The following AQP3 variants were observed in gnomAD, a reference collection of about 807,000 sequenced individuals.
AQP3 encodes the protein aquaporin 3 (Gill blood group).
In AQP3, 15 loss-of-function variants were observed where a neutral mutation model predicts 30.3. That is an observed-to-expected ratio of 0.49 (90% CI 0.33 to 0.76). The LOEUF (loss-of-function observed/expected upper bound fraction) is 0.76, where lower values mean the gene tolerates loss of function less well. Among genes scored for constraint, AQP3 ranks in the 30% least tolerant of loss-of-function variants. The pLI is 0.02. For synonymous variants in AQP3, 153 were observed against 163.2 expected, an observed-to-expected ratio of 0.94 and a Z score of 0.47; for missense variants, 272 against 384.8, an observed-to-expected ratio of 0.71 and a Z score of 2.45.
At position 33,447,406 on chromosome 9, in the gene AQP3, C is replaced by G. The variant is rs766832648; in HGVS notation, c.108+17G>C. On this transcript the variant is annotated intron_variant, in intron 1 of 5. Coordinates refer to ENST00000297991, the MANE Select transcript of AQP3 (RefSeq NM_004925.5). ...AGGGCTGGAGAGAGAAGGGCTTCCC[C>G]GGCTCCCTCCACTCACCACCAGGAT... 6.4e-7 allele frequency: 1 copy of G among 1,571,992 alleles called. No homozygotes were observed. The highest frequency in any genetic ancestry group is 8.7e-7 in the Non-Finnish European group (1 of 1,154,840).
At position 33,442,570 on chromosome 9, in the gene AQP3, C is replaced by T. The variant is rs754789828; in HGVS notation, c.493-52G>A. 7 of 1,516,582 alleles carry T rather than the reference C, an allele frequency of 4.6e-6. No homozygotes were observed. In the Admixed American group the frequency reaches 9.7e-5, roughly 21 times the overall value. 93.9% of individuals were successfully genotyped at this position (1,516,582 alleles called of 1,614,324 possible). ...CTGCAGCTCCCTCCCTTTCTCTGAC[C>T]CCTCCTTCCATCCCCCGTCTTCCCT... On this transcript the variant is annotated intron_variant, in intron 4 of 5. Coordinates refer to ENST00000297991, the MANE Select transcript of AQP3 (RefSeq NM_004925.5).
chr9:33,442,799 C>CA lies in AQP3; in HGVS notation c.492+52dup, dbSNP rs1214809020. The CA allele has an allele frequency of 2.6e-6, 4 of 1,548,410 alleles. No homozygotes were observed. In the African/African-American group the frequency reaches 5.4e-5, roughly 21 times the overall value. The stretch of plus-strand genomic sequence containing the variant: ...GTCCCCCAACCAGCCCATGAGCTAC[C>CA]AAGGCAACTCGGTCCCCTCCCTGCG... On this transcript the variant is annotated intron_variant, in intron 4 of 5. Coordinates refer to ENST00000297991, the MANE Select transcript of AQP3 (RefSeq NM_004925.5).
Position 33,442,216 on chromosome 9 carries a change from G to T in AQP3, c.711-5C>A, listed in dbSNP as rs755265932. ...CACCACCAATGCTGGCCGGTCCTGG[G>T]GGGACAGACACTCATAGTCAGGGAC... On this transcript the variant is annotated splice_polypyrimidine_tract_variant and splice_region_variant and intron_variant, in intron 5 of 5. Coordinates refer to ENST00000297991, the MANE Select transcript of AQP3 (RefSeq NM_004925.5). 1 of 1,612,534 alleles carries T rather than the reference G, an allele frequency of 6.2e-7. No homozygotes were observed. The highest frequency in any genetic ancestry group is 2.2e-5 in the East Asian group (1 of 44,880).
At position 33,442,910 on chromosome 9, in the gene AQP3, C is replaced by T. The variant is rs1826859975; in HGVS notation, c.434G>A (p.Gly145Asp). ...LFVSGPNGTAGIFATYPSGHL... is the reference protein window; with the variant it reads ...LFVSGPNGTADIFATYPSGHL... ...TCCAGAGGGGTAGGTAGCAAAGATG[C>T]CGGCTGTGCCATTGGGGCCCGAAAC... The change falls in exon 4 of 6, where the codon GGC (glycine) becomes GAC (aspartate). Residue 145 changes from glycine (G) to aspartate (D), a missense_variant. By Grantham distance (94) the Gly-to-Asp change is moderately conservative (BLOSUM62 -1). Coordinates refer to ENST00000297991, the MANE Select transcript of AQP3 (RefSeq NM_004925.5). 2 of 1,614,206 alleles carry T rather than the reference C, an allele frequency of 1.2e-6. No individual in the cohort carries two copies. Among genetic ancestry groups the T allele is most frequent in the East Asian group, 2.2e-5 (1 of 44,878 alleles).
Position 33,441,953 on chromosome 9 carries a change from T to C in AQP3, c.*90A>G. ...GAGCTCCTTAGCCTGAAAGGGTGGA[T>C]CGTGAAGGGGGCTTCTTGGGAGTGG... On this transcript the variant is annotated 3_prime_UTR_variant, in exon 6 of 6. Transcript: ENST00000297991. The C allele has an allele frequency of 6.4e-7, 1 of 1,552,342 alleles. No homozygotes were observed. The highest frequency in any genetic ancestry group is 8.7e-7 in the Non-Finnish European group (1 of 1,144,388).
Position 33,443,572 on chromosome 9 carries a change from A to C in AQP3, c.236-114T>G. The C allele has an allele frequency of 6.8e-7, 1 of 1,473,986 alleles. No homozygotes were observed. The highest frequency in any genetic ancestry group is 9.3e-7 in the Non-Finnish European group (1 of 1,080,968). The allele number at this position is 1,473,986 out of a possible 1,614,324, so 91.3% of individuals were successfully genotyped here. ...TCTTGCACAGGATGGCGGTTGGTCT[A>C]TGTAACAGGTCAGCTGATAATCTCT... On this transcript the variant is annotated intron_variant, in intron 2 of 5. Transcript: ENST00000297991. The surrounding 1 kb of genome is among the most constrained non-coding windows in gnomAD (Gnocchi z 5.0).
chr9:33,447,046 T>A (rs1331014760), intron 1 of AQP3, among the ~76,000 whole-genome samples: 2 of 152,114 alleles, frequency 1.3e-5, no homozygotes, highest in Non-Finnish European at 2.9e-5. Flanking sequence ...CCCCCTCCCC[T>A]ACATCTGGGG....
At chr9:33,444,582 A>G (rs553336329) in intron 1 of AQP3, among the ~76,000 whole-genome samples, 1 of 149,784 alleles carries the variant, frequency 6.7e-6, no homozygotes, top group South Asian at 2.2e-4. Context: ...CCTGGGCGAC[A>G]GAGCGGGACT....
At position 33,444,579 on chromosome 9, in the gene AQP3, G is replaced by A. The variant is rs1315847352; in HGVS notation, c.109-687C>T. On this transcript the variant is annotated intron_variant, in intron 1 of 5. Coordinates refer to ENST00000297991, the MANE Select transcript of AQP3 (RefSeq NM_004925.5). ...TGCGCCACTGCACTTCAGCCTGGGC[G>A]ACAGAGCGGGACTCCATCTCAAAAA... Among the ~76,000 whole-genome samples, 4 of 147,444 alleles carry A rather than the reference G, an allele frequency of 2.7e-5. No homozygotes were observed. In the Admixed American group the frequency reaches 2.7e-4, roughly 10 times the overall value.
rs1163792685 is a variant in AQP3, at chr9:33,447,413, C to T, written c.108+10G>A. On this transcript the variant is annotated intron_variant, in intron 1 of 5. Transcript: ENST00000297991. Reference sequence around the variant, plus strand: ...GAGAGAGAAGGGCTTCCCCGGCTCCCTCCACTCACCACCAGGATGAGGGTC... The same window carrying T: ...GAGAGAGAAGGGCTTCCCCGGCTCCTTCCACTCACCACCAGGATGAGGGTC... 9 of 1,588,444 alleles carry T rather than the reference C, an allele frequency of 5.7e-6. 1 individual carries two copies. The South Asian group carries it at 9.1e-5, about 16-fold the overall frequency.
chr9:33,442,968 C>A lies in AQP3; in HGVS notation c.376G>T (p.Ala126Ser). Residue 126 changes from alanine (A) to serine (S), a missense_variant and splice_region_variant, in exon 4 of 6, where the codon GCA (alanine) becomes TCA (serine). This residue lies in a region of AQP3 where 170 missense variants were observed against 286.4 expected (regional missense o/e 0.59). Coordinates refer to ENST00000297991, the MANE Select transcript of AQP3 (RefSeq NM_004925.5). The part of the protein sequence containing the change: ...AGIVFGLYYD[A>S]IWHFADNQLF... ...TGGTTGTCGGCGAAGTGCCAGATTGCATCTGGTGACAGATTAGACACACAG... is the reference window on the plus strand; with the variant it reads ...TGGTTGTCGGCGAAGTGCCAGATTGAATCTGGTGACAGATTAGACACACAG... The A allele has an allele frequency of 6.2e-7, 1 of 1,613,360 alleles. No individual in the cohort carries two copies. Among genetic ancestry groups the A allele is most frequent in the South Asian group, 1.1e-5 (1 of 91,070 alleles).
At position 33,441,607 on chromosome 9, in the gene AQP3, C is replaced by T. The variant is rs1192366059; in HGVS notation, c.*436G>A. 9.6e-6 allele frequency: 3 copies of T among 313,062 alleles called. No individual in the cohort carries two copies. The highest frequency in any genetic ancestry group is 9.0e-5 in the Admixed American group (2 of 22,110). 19.4% of individuals were successfully genotyped at this position (313,062 alleles called of 1,614,324 possible). A position where few individuals can be genotyped will look rare whatever the true frequency, so the allele number is the denominator to read the frequency against. On this transcript the variant is annotated 3_prime_UTR_variant, in exon 6 of 6. Transcript: ENST00000297991. ...CATACACACCCTGGAACTTTCCTCT[C>T]CTTATGCACAGATGGACAGGCTGCC... is the stretch of plus-strand genomic sequence containing the variant.
At chr9:33,447,180 G>A (rs1389528381) in intron 1 of AQP3, among the ~76,000 whole-genome samples, 1 of 152,214 alleles carries the variant, frequency 6.6e-6, no homozygotes, top group African/African-American at 2.4e-5. Flanking sequence ...GTAAACGATC[G>A]GCACTATCAC....
At position 33,443,241 on chromosome 9, in the gene AQP3, G is replaced by GCC; in HGVS notation, c.373+79_373+80insGG. On this transcript the variant is annotated intron_variant, in intron 3 of 5. Coordinates refer to ENST00000297991, the MANE Select transcript of AQP3 (RefSeq NM_004925.5). This position sits in a 1 kb window ranked among gnomAD's most constrained non-coding sequence, Gnocchi z 5.0. ...GGGCCTGGGCAGGTCCTAGCCGTCT[G>GCC]TCATCAAAAGGCCTGGTGCCAGCAG... 6.5e-7 allele frequency: 1 copy of GCC among 1,537,638 alleles called. No homozygotes were observed.
chr9:33,444,327 G>A (rs1826885139), intron 1 of AQP3, among the ~76,000 whole-genome samples: 1 of 152,166 alleles, frequency 6.6e-6, no homozygotes, highest in South Asian at 2.1e-4. Flanking sequence ...TAGGCCCGGT[G>A]CAGTGGCTCA....
chr9:33,446,762 AACAG>A (rs1316067277), intron 1 of AQP3, among the ~76,000 whole-genome samples: 1 of 152,178 alleles, frequency 6.6e-6, no homozygotes, highest in Non-Finnish European at 1.5e-5. Context: ...CTGTCTGGAT[AACAG>A]ACAGGGCCTG....
In AQP3 at chr9:33,442,620, C is replaced by A. The variant is rs1021453288; in HGVS notation, c.493-102G>T. On this transcript the variant is annotated intron_variant, in intron 4 of 5. Coordinates refer to ENST00000297991, the MANE Select transcript of AQP3 (RefSeq NM_004925.5). The stretch of plus-strand genomic sequence containing the variant: ...TCTAGCTCTTAAACTCTTGTCAGCG[C>A]CCGCCCATGCTCTTCTCCTGAAAGC... The A allele has an allele frequency of 2.3e-5, 29 of 1,268,816 alleles. 2 individuals are homozygous for A. In the African/African-American group the frequency reaches 4.0e-4, roughly 17 times the overall value. 78.6% of individuals were successfully genotyped at this position (1,268,816 alleles called of 1,614,324 possible). A position where few individuals can be genotyped will look rare whatever the true frequency, so the allele number is the denominator to read the frequency against.
In AQP3 at chr9:33,441,914, T is replaced by G; in HGVS notation, c.*129A>C. 1 of 1,385,760 alleles carries G rather than the reference T, an allele frequency of 7.2e-7. No individual in the cohort carries two copies. Among genetic ancestry groups the G allele is most frequent in the Non-Finnish European group, 9.8e-7 (1 of 1,018,306 alleles). The allele number at this position is 1,385,760 out of a possible 1,614,324, so 85.8% of individuals were successfully genotyped here. A position where few individuals can be genotyped will look rare whatever the true frequency, so the allele number is the denominator to read the frequency against. On this transcript the variant is annotated 3_prime_UTR_variant, in exon 6 of 6. Transcript: ENST00000297991. ...ATCCTGAAGGGGCTGTCTCGTGGGG[T>G]GAGGGTAGATAGGGAGCTCCTTAGC...
chr9:33,443,125 G>T lies in AQP3; in HGVS notation c.374-155C>A. 1 of 1,057,674 alleles carries T rather than the reference G, an allele frequency of 9.5e-7. No individual in the cohort carries two copies. The highest frequency in any genetic ancestry group is 2.6e-5 in the East Asian group (1 of 38,998). The allele number at this position is 1,057,674 out of a possible 1,614,324, so 65.5% of individuals were successfully genotyped here. On this transcript the variant is annotated intron_variant, in intron 3 of 5. Coordinates refer to ENST00000297991, the MANE Select transcript of AQP3 (RefSeq NM_004925.5). This position sits in a 1 kb window ranked among gnomAD's most constrained non-coding sequence, Gnocchi z 5.0. The stretch of plus-strand genomic sequence containing the variant: ...AGGGGGTGGCGTGGGGTGGGGTGGA[G>T]GGCCTGAGACTCTGTTATTGCCCAA...
Sources: gnomAD v4.1 joint callset for allele counts (sites outside exome capture counted in the v4.1 genomes callset) on GRCh38, gnomAD v4.1.1 for gene constraint, gnomAD v4.1.1 regional missense constraint, Gnocchi (gnomAD v3.1) non-coding constraint, MANE v1.5 for transcripts, NCBI Gene and HGNC (gene_info 2026-07-23, HGNC 2026-07-21) for gene names.